The following SMARCA2 variants were observed in gnomAD, a reference collection of about 807,000 sequenced individuals.
The protein encoded by SMARCA2 is SWI/SNF-related matrix-associated actin-dependent regulator of chromatin subfamily A member 2.
A neutral mutation model predicts 199.8 loss-of-function variants in SMARCA2; 61 were observed. The ratio of observed to expected loss-of-function variants is 0.31; its 90% CI spans 0.25 to 0.38. SMARCA2 has a LOEUF of 0.38. Ranked by LOEUF, SMARCA2 falls within the 10% of genes least tolerant of loss-of-function variation. The pLI is 1.00. For missense variants in SMARCA2, 1,344 were observed against 2,012.2 expected, an observed-to-expected ratio of 0.67 and a Z score of 6.35; for synonymous variants, 935 against 732.0, an observed-to-expected ratio of 1.28 and a Z score of -4.48.
chr9:2,029,349 A>G (rs1380907854), intron 2 of SMARCA2, 102 bp downstream of exon 2: 11 of 1,474,738 alleles, frequency 7.5e-6, no homozygotes, highest in Non-Finnish European at 1.0e-5. Context: ...CAAGAAAATC[A>G]TGCAAGATCT....
intron 27 of SMARCA2, 102 bp downstream of exon 27, chr9:2,124,039 C>T (rs1823581574): frequency 5.6e-6 from 5 of 899,718 alleles, no homozygotes; most frequent in South Asian, 4.3e-5. Flanking sequence ...AGGTTGAGTT[C>T]GCAATCAAAG....
intron 27 of SMARCA2, among the ~76,000 whole-genome samples, chr9:2,125,468 A>G (rs570078467): frequency 6.6e-6 from 1 of 151,742 alleles, no homozygotes; most frequent in Admixed American, 6.6e-5. Flanking sequence ...AGCAGACGGG[A>G]CAATAATAAT....
At chr9:2,152,834 A>G (rs1174272726) in intron 27 of SMARCA2, among the ~76,000 whole-genome samples, 9 of 152,198 alleles carry the variant, frequency 5.9e-5, no homozygotes, top group Admixed American at 5.9e-4. Flanking sequence ...CCTGGGCAAC[A>G]GAGGGAGCAA....
At chr9:2,176,598 C>G (rs1826621045) in intron 29 of SMARCA2, among the ~76,000 whole-genome samples, 1 of 152,080 alleles carries the variant, frequency 6.6e-6, no homozygotes, top group African/African-American at 2.4e-5. Flanking sequence ...GTTGACCAGG[C>G]TGGACTGCAG....
chr9:2,187,940 T>C (rs1338176991), intron 32 of SMARCA2, among the ~76,000 whole-genome samples: 2 of 152,118 alleles, frequency 1.3e-5, no homozygotes, highest in African/African-American at 2.4e-5. Flanking sequence ...CTGTGTGCTA[T>C]GTTTTTATAA....
In SMARCA2 at chr9:2,104,849, T is replaced by C. The variant is rs1240934160; in HGVS notation, c.3292+680T>C. On this transcript the variant is annotated intron_variant, in intron 23 of 33. Coordinates refer to ENST00000349721, the MANE Select transcript of SMARCA2 (RefSeq NM_003070.5). The surrounding 1 kb of genome is among the most constrained non-coding windows in gnomAD (Gnocchi z 4.0). ...ATATCAGCCATAATATATTAGAGGT[T>C]GAAAGTATCAGCATTTATACACAAT... 6.6e-6 allele frequency among the ~76,000 whole-genome samples: 1 copy of C among 152,196 alleles called. No homozygotes were observed. Among genetic ancestry groups the C allele is most frequent in the Admixed American group, 6.5e-5 (1 of 15,276 alleles).
intron 20 of SMARCA2, 126 bp downstream of exon 20, chr9:2,096,890 T>G: frequency 1.5e-6 from 1 of 684,086 alleles, no homozygotes; most frequent in South Asian, 1.7e-5. Flanking sequence ...TGGACCTCCT[T>G]TGAGCTATTA....
intron 32 of SMARCA2, among the ~76,000 whole-genome samples, chr9:2,187,076 A>G (rs915156578): frequency 6.6e-6 from 1 of 152,220 alleles, no homozygotes; most frequent in Admixed American, 6.5e-5. Flanking sequence ...GCTTTAGAAA[A>G]TAATTGTCAA....
intron 31 of SMARCA2, among the ~76,000 whole-genome samples, chr9:2,184,929 A>G (rs1476123674): frequency 6.6e-6 from 1 of 151,880 alleles, no homozygotes; most frequent in East Asian, 1.9e-4. Context: ...GCAAACTGCA[A>G]TTTGCCCAGT....
At chr9:2,087,354 A>C (rs1009712810) in intron 18 of SMARCA2, 4 of 398,196 alleles carry the variant, frequency 1.0e-5, no homozygotes, top group Admixed American at 4.0e-5. Context: ...GCTTAACTGC[A>C]GTGGGCCACA....
At chr9:2,158,040 C>T (rs563507022) in intron 27 of SMARCA2, 43 of 391,710 alleles carry the variant, frequency 1.1e-4, no homozygotes, top group Non-Finnish European at 1.8e-4. Context: ...ACGTGCACGC[C>T]GCTTTCATAA....
chr9:2,068,805 G>C (rs1297991922), intron 9 of SMARCA2: 1 of 151,870 alleles, frequency 6.6e-6, no homozygotes, highest in Admixed American at 6.6e-5. Flanking sequence ...CTGTAGAGGT[G>C]ATTTTAAAGA....
At chr9:2,183,737 C>T (rs1827223566) in intron 31 of SMARCA2, among the ~76,000 whole-genome samples, 1 of 152,158 alleles carries the variant, frequency 6.6e-6, no homozygotes, top group African/African-American at 2.4e-5. Flanking sequence ...TGAAAGCAAG[C>T]CTTCTGTTAC....
intron 27 of SMARCA2, among the ~76,000 whole-genome samples, chr9:2,133,105 C>T (rs1049453137): frequency 2.0e-5 from 3 of 152,146 alleles, no homozygotes; most frequent in Non-Finnish European, 4.4e-5. Context: ...CAAACTCACT[C>T]ATCGAAAGTA....
At chr9:2,105,140 T>C (rs1822695486) in intron 23 of SMARCA2, among the ~76,000 whole-genome samples, 1 of 152,262 alleles carries the variant, frequency 6.6e-6, no homozygotes. Flanking sequence ...GTATGTTCTC[T>C]GACTTAAGGT....
intron 9 of SMARCA2, among the ~76,000 whole-genome samples, chr9:2,064,329 T>A (rs933153967): frequency 6.6e-6 from 1 of 152,234 alleles, no homozygotes; most frequent in Admixed American, 6.5e-5. Context: ...AGTGCTTCAG[T>A]CTCATGATCT....
chr9:2,087,216 TG>T, intron 18 of SMARCA2, 145 bp downstream of exon 18: 8 of 931,148 alleles, frequency 8.6e-6, no homozygotes, highest in Non-Finnish European at 1.3e-5. Flanking sequence ...TGGGTGGACA[TG>T]GTCTTGTGGT....
At chr9:2,177,047 A>G (rs921750679) in intron 29 of SMARCA2, among the ~76,000 whole-genome samples, 1 of 152,226 alleles carries the variant, frequency 6.6e-6, no homozygotes. Context: ...AGATGCTTGT[A>G]ACACCTGCTT....
At position 2,056,556 on chromosome 9, in the gene SMARCA2, A is replaced by G. The variant is rs1014336277; in HGVS notation, c.1174-116A>G. On this transcript the variant is annotated intron_variant, in intron 6 of 33. Transcript: ENST00000349721. The surrounding 1 kb of genome is among the most constrained non-coding windows in gnomAD (Gnocchi z 4.0). Reference sequence around the variant, plus strand: ...TAATACAAACCAAAGGTGATTGAGAAGCTTGTGGAGATTCCCCGCCCCACT... The same window carrying G: ...TAATACAAACCAAAGGTGATTGAGAGGCTTGTGGAGATTCCCCGCCCCACT... 3.6e-6 allele frequency: 3 copies of G among 842,246 alleles called. No homozygotes were observed. Among genetic ancestry groups the G allele is most frequent in the Non-Finnish European group, 5.4e-6 (3 of 552,768 alleles). 52.2% of individuals were successfully genotyped at this position (842,246 alleles called of 1,614,324 possible). A position where few individuals can be genotyped will look rare whatever the true frequency, so the allele number is the denominator to read the frequency against.
Sources: allele counts gnomAD v4.1 joint callset (sites outside exome capture counted in the v4.1 genomes callset), GRCh38; gene constraint gnomAD v4.1.1; non-coding constraint Gnocchi (gnomAD v3.1); transcripts MANE v1.5; gene names NCBI Gene and HGNC (gene_info 2026-07-23, HGNC 2026-07-21).